Variants in CLVS1 observed in about 807,000 individuals in gnomAD.
The protein encoded by CLVS1 is clavesin 1.
Under a neutral mutation model 33.1 loss-of-function variants are expected in CLVS1, and 10 were observed. The observed-to-expected ratio is 0.30, with a 90% CI of 0.19 to 0.51. The LOEUF is 0.51. Ranked by LOEUF, CLVS1 falls within the 20% of genes least tolerant of loss-of-function variation. CLVS1 has a pLI of 0.97. For synonymous variants in CLVS1, 163 were observed against 166.1 expected (o/e 0.98, Z 0.14); for missense variants, 343 against 433.4 (o/e 0.79, Z 1.85).
At chr8:61,245,678 G>GAT (rs201719166) in intron 2 of CLVS1, among the ~76,000 whole-genome samples, 89 of 150,676 alleles carry the variant, frequency 5.9e-4, no homozygotes, top group African/African-American at 1.5e-3. Context: ...TATATGAATG[G>GAT]ATATATATAT....
At chr8:61,215,832 G>T (rs765853607) in intron 2 of CLVS1, among the ~76,000 whole-genome samples, 1 of 152,002 alleles carries the variant, frequency 6.6e-6, no homozygotes, top group Admixed American at 6.6e-5. Context: ...TTTCCAGACC[G>T]AGTGCTGTTG....
chr8:61,462,520 G>T (rs183915789), intron 5 of CLVS1, among the ~76,000 whole-genome samples: 14 of 152,216 alleles, frequency 9.2e-5, no homozygotes, highest in Admixed American at 8.5e-4. Flanking sequence ...GAGCTGAAAT[G>T]TATTTCTTAA....
chr8:61,363,444 A>T (rs1329016310), intron 2 of CLVS1, among the ~76,000 whole-genome samples: 2 of 152,210 alleles, frequency 1.3e-5, no homozygotes, highest in Non-Finnish European at 2.9e-5. Context: ...AATAATAACC[A>T]CTGGCTCTGA....
intron 5 of CLVS1, among the ~76,000 whole-genome samples, chr8:61,471,388 TAA>T (rs1180375301): frequency 6.6e-6 from 1 of 152,128 alleles, no homozygotes; most frequent in African/African-American, 2.4e-5. Flanking sequence ...TCTTTCCAAA[TAA>T]AAGTTTTCTC....
chr8:61,345,419 C>T (rs372145376), intron 2 of CLVS1, among the ~76,000 whole-genome samples: 9 of 152,214 alleles, frequency 5.9e-5, no homozygotes, highest in South Asian at 2.1e-4. Context: ...TGTAGTAGGA[C>T]GCTCTGATAG....
chr8:61,157,609 A>T (rs1806676004), intron 2 of CLVS1, among the ~76,000 whole-genome samples: 1 of 152,076 alleles, frequency 6.6e-6, no homozygotes, highest in Admixed American at 6.6e-5. Flanking sequence ...CAAGAAATTG[A>T]TAGTCAATTC....
chr8:61,171,706 A>T (rs577812076), intron 2 of CLVS1, among the ~76,000 whole-genome samples: 1 of 152,346 alleles, frequency 6.6e-6, no homozygotes, highest in South Asian at 2.1e-4. Flanking sequence ...TAAAAGCCAC[A>T]TTCCTTATCT....
chr8:61,464,033 C>A (rs78895212), intron 5 of CLVS1, among the ~76,000 whole-genome samples: 1 of 139,674 alleles, frequency 7.2e-6, no homozygotes, highest in Non-Finnish European at 1.5e-5. Context: ...GTCAAGATCA[C>A]GCCACTGACT....
chr8:61,362,645 C>T, intron 2 of CLVS1, among the ~76,000 whole-genome samples: 1 of 152,188 alleles, frequency 6.6e-6, no homozygotes, highest in Non-Finnish European at 1.5e-5. Context: ...GTCCCACTTA[C>T]ATTTTCAGAG....
At chr8:61,455,758 C>G (rs1380455449) in intron 4 of CLVS1, among the ~76,000 whole-genome samples, 3 of 152,102 alleles carry the variant, frequency 2.0e-5, no homozygotes, top group Non-Finnish European at 1.5e-5. Context: ...ACCCAGGGTG[C>G]CTGACACTAG....
intron 1 of CLVS1, among the ~76,000 whole-genome samples, chr8:61,098,280 A>T (rs1337169881): frequency 6.6e-6 from 1 of 152,144 alleles, no homozygotes; most frequent in East Asian, 1.9e-4. Context: ...GACAATACTC[A>T]TCACCTCAGA....
chr8:61,320,157 T>C (rs1350991831), intron 2 of CLVS1, among the ~76,000 whole-genome samples: 6 of 152,216 alleles, frequency 3.9e-5, no homozygotes, highest in Admixed American at 2.6e-4. Flanking sequence ...TACATACAGC[T>C]CTTTTTTGTA....
chr8:61,055,477 T>C (rs1804460297), upstream of CLVS1, among the ~76,000 whole-genome samples: 1 of 152,200 alleles, frequency 6.6e-6, no homozygotes. Context: ...CCATAATCAG[T>C]CTGAAAAGGA....
intron 1 of CLVS1, among the ~76,000 whole-genome samples, chr8:61,113,735 C>G (rs1805669518): frequency 1.3e-5 from 2 of 152,206 alleles, no homozygotes; most frequent in South Asian, 4.1e-4. Flanking sequence ...CAGTCCTATC[C>G]TACCCTGGGT....
chr8:61,000,005 G>A, the CLVS1 span, among the ~76,000 whole-genome samples: 1 of 152,214 alleles, frequency 6.6e-6, no homozygotes, highest in Admixed American at 6.5e-5. Context: ...TGGCTTGGAT[G>A]GGTTAGAGTT....
At chr8:61,034,918 TAC>T in the CLVS1 span, among the ~76,000 whole-genome samples, 1 of 152,196 alleles carries the variant, frequency 6.6e-6, no homozygotes, top group Non-Finnish European at 1.5e-5. Context: ...GGATCATAGA[TAC>T]AGTCTCCTTT....
the CLVS1 span, among the ~76,000 whole-genome samples, chr8:61,019,040 G>A: frequency 1.3e-5 from 2 of 152,212 alleles, no homozygotes; most frequent in Admixed American, 6.5e-5. Flanking sequence ...GGGAAGCTGC[G>A]GCTGAGCTGC....
At chr8:61,462,755 C>A (rs929701683) in intron 5 of CLVS1, among the ~76,000 whole-genome samples, 11 of 151,910 alleles carry the variant, frequency 7.2e-5, no homozygotes, top group African/African-American at 2.4e-5. Flanking sequence ...GTCATTCAAG[C>A]TTCATTGTTC....
the CLVS1 span, among the ~76,000 whole-genome samples, chr8:60,965,069 G>A: frequency 6.6e-6 from 1 of 152,146 alleles, no homozygotes; most frequent in African/African-American, 2.4e-5. Context: ...AGATTGTGAG[G>A]TTGCAGATGC....
Sources: allele counts gnomAD v4.1 joint callset (sites outside exome capture counted in the v4.1 genomes callset), GRCh38; gene constraint gnomAD v4.1.1; transcripts MANE v1.5; gene names NCBI Gene and HGNC (gene_info 2026-07-23, HGNC 2026-07-21).